Variants in PAPPA2 observed in about 807,000 individuals in gnomAD.
PAPPA2 encodes the protein pappalysin 2.
A neutral mutation model predicts 176.4 loss-of-function variants in PAPPA2; 86 were observed. The observed-to-expected ratio is 0.49, with a 90% CI of 0.41 to 0.58. The LOEUF (loss-of-function observed/expected upper bound fraction) is 0.58. PAPPA2 is among the 20% of genes least tolerant of loss of function. The pLI, the probability that PAPPA2 is intolerant of heterozygous loss-of-function variation, is 0.00. For missense variants in PAPPA2, 2,073 were observed against 2,256.9 expected (o/e 0.92, Z 1.65); for synonymous variants, 809 against 852.2 (o/e 0.95, Z 0.88).
intron 19 of PAPPA2, among the ~76,000 whole-genome samples, chr1:176,793,152 C>T (rs1300307486): frequency 6.6e-6 from 1 of 152,086 alleles, no homozygotes; most frequent in Non-Finnish European, 1.5e-5. Context: ...ACCATGTAAA[C>T]AGGAATATTA....
intron 1 of PAPPA2, among the ~76,000 whole-genome samples, chr1:176,470,975 T>A (rs886851800): frequency 2.0e-5 from 3 of 152,098 alleles, no homozygotes; most frequent in Non-Finnish European, 4.4e-5. Context: ...CCTCAGAATG[T>A]GAAGGAGCCA....
intron 12 of PAPPA2, among the ~76,000 whole-genome samples, chr1:176,724,448 G>A (rs1661768501): frequency 6.6e-6 from 1 of 152,142 alleles, no homozygotes; most frequent in African/African-American, 2.4e-5. Flanking sequence ...TTCATAGGGA[G>A]CCCGTCAACA....
chr1:176,503,094 G>T (rs1406908678), intron 1 of PAPPA2, among the ~76,000 whole-genome samples: 6 of 152,086 alleles, frequency 3.9e-5, no homozygotes, highest in Non-Finnish European at 8.8e-5. Flanking sequence ...TCAAAATAAA[G>T]GTGTCAGAGG....
chr1:176,722,079 T>G (rs924645722), intron 12 of PAPPA2, among the ~76,000 whole-genome samples: 8 of 152,182 alleles, frequency 5.3e-5, no homozygotes, highest in Admixed American at 3.3e-4. Context: ...GAATGCCTAT[T>G]CAATTTTTCC....
rs534224308 is a variant in PAPPA2, at chr1:176,505,132, G to A, written c.-917+41714G>A. On this transcript the variant is annotated intron_variant, in intron 1 of 22. Coordinates refer to ENST00000367662, the MANE Select transcript of PAPPA2 (RefSeq NM_020318.3). ...GTCTTTCCTAATTCCTTCCTCCCAA[G>A]TTCATTAAATAAAATGACAAAAAAC... Among the ~76,000 whole-genome samples, 73 of 152,024 alleles carry A rather than the reference G, an allele frequency of 4.8e-4. 1 individual carries two copies. The highest frequency in any genetic ancestry group is 9.0e-4 in the Non-Finnish European group (61 of 67,920).
intron 3 of PAPPA2, among the ~76,000 whole-genome samples, chr1:176,624,817 A>G (rs1376272152): frequency 6.6e-6 from 1 of 152,152 alleles, no homozygotes; most frequent in Non-Finnish European, 1.5e-5. Context: ...GGGACTATTC[A>G]GGAGAAAGGT....
chr1:176,807,923 G>GA (rs1353805686), intron 21 of PAPPA2, among the ~76,000 whole-genome samples: 3 of 152,122 alleles, frequency 2.0e-5, no homozygotes, highest in African/African-American at 7.2e-5. Flanking sequence ...AGTCCTATAA[G>GA]ATAAAGTAGA....
chr1:176,469,145 C>A (rs1651762086), intron 1 of PAPPA2, among the ~76,000 whole-genome samples: 1 of 152,228 alleles, frequency 6.6e-6, no homozygotes, highest in Non-Finnish European at 1.5e-5. Context: ...CAATAACTAA[C>A]ATTTTTTGCT....
chr1:176,796,312 G>A (rs1454243355), intron 20 of PAPPA2, among the ~76,000 whole-genome samples: 1 of 152,174 alleles, frequency 6.6e-6, no homozygotes, highest in Admixed American at 6.5e-5. Context: ...GTGTGCTATG[G>A]TCTAAATAAA....
chr1:176,584,702 G>A (rs1335753688), intron 2 of PAPPA2, among the ~76,000 whole-genome samples: 1 of 144,448 alleles, frequency 6.9e-6, no homozygotes, highest in African/African-American at 2.6e-5. Context: ...GTTTGGCATG[G>A]TTTTCTGCAG....
rs922744520 is a variant in PAPPA2 at position 176,690,892 on chromosome 1, A to G, written c.2431+462A>G. The G allele has an allele frequency of 3.1e-6, 3 of 978,168 alleles. No individual in the cohort carries two copies. In the African/African-American group the frequency reaches 5.5e-5, roughly 18 times the overall value. 60.6% of individuals were successfully genotyped at this position (978,168 alleles called of 1,614,324 possible). A position where few individuals can be genotyped will look rare whatever the true frequency, so the allele number is the denominator to read the frequency against. ...GTGGCTTGGTTAATTTAGGCTCAGC[A>G]TGTTTTACTGTATGTTACTAAAAAA... On this transcript the variant is annotated intron_variant, in intron 5 of 22. Coordinates refer to ENST00000367662, the MANE Select transcript of PAPPA2 (RefSeq NM_020318.3).
At chr1:176,633,001 T>G (rs564452407) in intron 3 of PAPPA2, among the ~76,000 whole-genome samples, 6 of 152,258 alleles carry the variant, frequency 3.9e-5, no homozygotes, top group African/African-American at 1.4e-4. Context: ...AATTGAGCAC[T>G]TCCTTTGTAC....
At chr1:176,804,256 C>G (rs1416608016) in intron 21 of PAPPA2, among the ~76,000 whole-genome samples, 1 of 152,124 alleles carries the variant, frequency 6.6e-6, no homozygotes, top group Non-Finnish European at 1.5e-5. Context: ...GAAACCCATT[C>G]CCGGGACTCA....
chr1:176,705,830 T>C (rs1660858293), intron 9 of PAPPA2, among the ~76,000 whole-genome samples: 1 of 152,198 alleles, frequency 6.6e-6, no homozygotes, highest in East Asian at 1.9e-4. Flanking sequence ...GACAGGCTGC[T>C]TAAGTCTCTG....
In PAPPA2 at chr1:176,480,835, T is replaced by C. The variant is rs568850999; in HGVS notation, c.-917+17417T>C. ...AATCCTACGTTCATACCTGGAATCA[T>C]AGACCAGACCAGACGAAAACACTAA... On this transcript the variant is annotated intron_variant, in intron 1 of 22. Transcript: ENST00000367662. Among the ~76,000 whole-genome samples, 6 of 151,264 alleles carry C rather than the reference T, an allele frequency of 4.0e-5. No individual in the cohort carries two copies. The East Asian group carries it at 1.2e-3, about 30-fold the overall frequency.
intron 12 of PAPPA2, among the ~76,000 whole-genome samples, chr1:176,737,549 A>T (rs1662474823): frequency 6.6e-6 from 1 of 152,038 alleles, no homozygotes; most frequent in Non-Finnish European, 1.5e-5. Context: ...CCATAACTTG[A>T]TCAAACACTT....
At chr1:176,836,552 A>G (rs1185467641) in intron 21 of PAPPA2, 1 of 152,208 alleles carries the variant, frequency 6.6e-6, no homozygotes, top group Non-Finnish European at 1.5e-5. Flanking sequence ...CAATCAGTCA[A>G]TGTTTATGGA....
chr1:176,571,319 C>A (rs1652316284), intron 2 of PAPPA2, among the ~76,000 whole-genome samples: 1 of 152,220 alleles, frequency 6.6e-6, no homozygotes, highest in Non-Finnish European at 1.5e-5. Context: ...GTTAGGAATG[C>A]AGAATCTGGA....
chr1:176,512,295 G>A (rs1379407130), intron 1 of PAPPA2, among the ~76,000 whole-genome samples: 1 of 150,496 alleles, frequency 6.6e-6, no homozygotes, highest in African/African-American at 2.4e-5. Context: ...TTCATACACT[G>A]TTGGTGGGAA....
Sources: gnomAD v4.1 joint callset for allele counts (sites outside exome capture counted in the v4.1 genomes callset) on GRCh38, gnomAD v4.1.1 for gene constraint, MANE v1.5 for transcripts, NCBI Gene and HGNC (gene_info 2026-07-23, HGNC 2026-07-21) for gene names.